The following ADGRA3 variants were observed in gnomAD, a reference collection of about 807,000 sequenced individuals.
ADGRA3 encodes the protein G-protein coupled receptor 125.
ADGRA3 carries 56 observed loss-of-function variants against 119.8 expected under a neutral mutation model. The observed-to-expected ratio is 0.47, with a 90% confidence interval of 0.38 to 0.58. The LOEUF is 0.58. Among genes scored for constraint, ADGRA3 ranks in the 20% least tolerant of loss-of-function variants. ADGRA3 has a pLI of 0.00. For missense variants in ADGRA3, 1,516 were observed against 1,649.0 expected, an observed-to-expected ratio of 0.92 and a Z score of 1.40; for synonymous variants, 607 against 623.8, an observed-to-expected ratio of 0.97 and a Z score of 0.40.
chr4:22,506,797 T>C (rs888278858), intron 1 of ADGRA3, among the ~76,000 whole-genome samples: 1 of 152,146 alleles, frequency 6.6e-6, no homozygotes, highest in Non-Finnish European at 1.5e-5. Context: ...TAAAGCTCCC[T>C]CTTCAGACTA....
intron 16 of ADGRA3, among the ~76,000 whole-genome samples, chr4:22,399,467 T>C (rs554082801): frequency 6.6e-6 from 1 of 152,196 alleles, no homozygotes; most frequent in East Asian, 1.9e-4. Flanking sequence ...GGTTTGGATA[T>C]GTAAGTCTTT....
chr4:22,459,084 G>T (rs1196757054), intron 3 of ADGRA3, among the ~76,000 whole-genome samples: 1 of 151,916 alleles, frequency 6.6e-6, no homozygotes, highest in Admixed American at 6.6e-5. Flanking sequence ...GCCTGAGAGA[G>T]AAAAATAGGA....
At chr4:22,410,907 T>C (rs1165909721) in intron 14 of ADGRA3, among the ~76,000 whole-genome samples, 1 of 152,190 alleles carries the variant, frequency 6.6e-6, no homozygotes, top group Admixed American at 6.5e-5. Context: ...AGTACTACAG[T>C]ATTTTAACTT....
intron 1 of ADGRA3, chr4:22,478,220 G>C (rs997857513): frequency 1.3e-5 from 2 of 152,094 alleles, no homozygotes; most frequent in African/African-American, 4.8e-5. Context: ...TTTTAGTTTG[G>C]TACATCGCTT....
chr4:22,401,929 G>A (rs1253049269), intron 15 of ADGRA3, among the ~76,000 whole-genome samples: 1 of 152,052 alleles, frequency 6.6e-6, no homozygotes, highest in Non-Finnish European at 1.5e-5. Flanking sequence ...AGATGCCAAT[G>A]GGTCTTTTTT....
At chr4:22,513,080 A>C (rs1260385137) in intron 1 of ADGRA3, among the ~76,000 whole-genome samples, 1 of 151,784 alleles carries the variant, frequency 6.6e-6, no homozygotes, top group Non-Finnish European at 1.5e-5. Flanking sequence ...AAACTGGCCC[A>C]TAAGACCCCT....
chr4:22,438,236 G>A lies in ADGRA3; in HGVS notation c.1085+20C>T, dbSNP rs77676946. 145,603 of 1,596,604 alleles carry A rather than the reference G, an allele frequency of 0.091. 7,153 individuals are homozygous for A. Among genetic ancestry groups the A allele is most frequent in the Middle Eastern group, 0.12 (521 of 4,394 alleles). On this transcript the variant is annotated intron_variant, in intron 8 of 18. Transcript: ENST00000334304. The stretch of plus-strand genomic sequence containing the variant: ...TCTGGGACAAATTAAACTTTTCCCC[G>A]TATTTTCCACAACACTGACCTGAAG...
At chr4:22,513,230 CCTT>C (rs1719513940) in intron 1 of ADGRA3, among the ~76,000 whole-genome samples, 2 of 150,468 alleles carry the variant, frequency 1.3e-5, no homozygotes, top group African/African-American at 4.9e-5. Context: ...ACTGCAAACT[CCTT>C]CTCCTTGGGT....
At chr4:22,463,079 T>A (rs930696704) in intron 2 of ADGRA3, among the ~76,000 whole-genome samples, 1 of 152,156 alleles carries the variant, frequency 6.6e-6, no homozygotes. Flanking sequence ...GAAGCCAGAG[T>A]GGCCTCTGCT....
At chr4:22,432,279 T>C (rs1716209083) in intron 10 of ADGRA3, among the ~76,000 whole-genome samples, 1 of 152,068 alleles carries the variant, frequency 6.6e-6, no homozygotes, top group African/African-American at 2.4e-5. Context: ...CCTGCTGAAA[T>C]GGCAACTGGG....
chr4:22,394,770 T>C (rs759885513), intron 16 of ADGRA3: 40 of 152,200 alleles, frequency 2.6e-4, no homozygotes, highest in Non-Finnish European at 5.4e-4. Flanking sequence ...GGCACTGAAG[T>C]GTTTTCTATG....
In ADGRA3 at chr4:22,396,008, C is replaced by T. The variant is rs905770591; in HGVS notation, c.2482-3318G>A. 2.0e-5 allele frequency among the ~76,000 whole-genome samples: 3 copies of T among 152,232 alleles called. No homozygotes were observed. The East Asian group carries it at 5.8e-4, about 29-fold the overall frequency. Reference sequence around the variant, plus strand: ...TAAATTCAATCATGGATTGGTGGAGCAACAAGGTATCTTAGATAAGATCCA... The same window carrying T: ...TAAATTCAATCATGGATTGGTGGAGTAACAAGGTATCTTAGATAAGATCCA... On this transcript the variant is annotated intron_variant, in intron 16 of 18. Coordinates refer to ENST00000334304, the MANE Select transcript of ADGRA3 (RefSeq NM_145290.4).
intron 14 of ADGRA3, among the ~76,000 whole-genome samples, chr4:22,405,434 T>C (rs1714873734): frequency 6.6e-6 from 1 of 151,534 alleles, no homozygotes; most frequent in African/African-American, 2.4e-5. Context: ...TAACCCCAGC[T>C]ACTTGGGAGG....
rs1560297677 is a variant in ADGRA3 at position 22,401,412 on chromosome 4, G to T, written c.2481+19C>A. On this transcript the variant is annotated intron_variant, in intron 16 of 18. Transcript: ENST00000334304. The stretch of plus-strand genomic sequence containing the variant: ...AATACCAGTAATTTTTTCCATTTCG[G>T]TTTTTCACTCTGACTTACTGCTTGG... 2 of 1,565,124 alleles carry T rather than the reference G, an allele frequency of 1.3e-6. No homozygotes were observed. Among genetic ancestry groups the T allele is most frequent in the African/African-American group, 1.4e-5 (1 of 73,330 alleles).
In ADGRA3 at chr4:22,430,528, T is replaced by C. The variant is rs373976867; in HGVS notation, c.1443+4783A>G. Among the ~76,000 whole-genome samples the C allele has an allele frequency of 7.9e-5, 12 of 152,226 alleles. No homozygotes were observed. In the East Asian group the frequency reaches 2.3e-3, roughly 29 times the overall value. On this transcript the variant is annotated intron_variant, in intron 10 of 18. Transcript: ENST00000334304. ...TGAACTTGAGAGAGATGATTTAGGGTATCTGACAGAAGAAATTTCTAAGCA... is the reference window on the plus strand; with the variant it reads ...TGAACTTGAGAGAGATGATTTAGGGCATCTGACAGAAGAAATTTCTAAGCA...
At chr4:22,515,458 C>A in intron 1 of ADGRA3, 70 bp downstream of exon 1, 1 of 1,554,088 alleles carries the variant, frequency 6.4e-7, no homozygotes, top group East Asian at 2.5e-5. Flanking sequence ...CTGGACCCTG[C>A]TCCAAAGTTG....
chr4:22,390,555 G>A (rs1040261430), intron 17 of ADGRA3, among the ~76,000 whole-genome samples: 3 of 150,830 alleles, frequency 2.0e-5, no homozygotes, highest in South Asian at 2.1e-4. Context: ...CCACTTTCTC[G>A]CCTTTATCAC....
chr4:22,416,395 T>C (rs1489365623), intron 12 of ADGRA3, among the ~76,000 whole-genome samples: 1 of 152,170 alleles, frequency 6.6e-6, no homozygotes, highest in Admixed American at 6.5e-5. Context: ...TCATATACCA[T>C]GTAGAGAACA....
intron 10 of ADGRA3, among the ~76,000 whole-genome samples, chr4:22,426,012 T>C (rs979185711): frequency 6.6e-6 from 1 of 152,244 alleles, no homozygotes; most frequent in African/African-American, 2.4e-5. Flanking sequence ...TTTCTGAATG[T>C]TGTGGAGATT....
Sources: gnomAD v4.1 joint callset for allele counts (sites outside exome capture counted in the v4.1 genomes callset) on GRCh38, gnomAD v4.1.1 for gene constraint, MANE v1.5 for transcripts, NCBI Gene and HGNC (gene_info 2026-07-23, HGNC 2026-07-21) for gene names.